ENO4: variants seen among roughly 807,000 people sequenced by gnomAD.
ENO4 encodes the protein 2-phospho-D-glycerate hydro-lyase.
In ENO4, 53 loss-of-function variants were observed where a neutral mutation model predicts 63.2. The observed-to-expected ratio is 0.84, with a 90% CI of 0.67 to 1.05. ENO4 has a LOEUF of 1.05. ENO4 is among the 50% of genes least tolerant of loss of function. The probability of loss-of-function intolerance (pLI) is 0.00; values close to 1 mark genes in which losing one functional copy is unlikely to be tolerated. For missense variants in ENO4, 719 were observed against 772.0 expected (o/e 0.93, Z 0.81); for synonymous variants, 266 against 283.8 (o/e 0.94, Z 0.63).
chr10:116,874,258 G>A, intron 10 of ENO4, 57 bp downstream of exon 10: 1 of 1,312,648 alleles, frequency 7.6e-7, no homozygotes, highest in Non-Finnish European at 1.0e-6. Flanking sequence ...AAGATAGGCA[G>A]GACTCACCTT....
At position 116,860,782 on chromosome 10, in the gene ENO4, T is replaced by A. The variant is rs887681019; in HGVS notation, c.635-12T>A. 4.9e-6 allele frequency: 7 copies of A among 1,436,090 alleles called. No individual in the cohort carries two copies. The highest frequency in any genetic ancestry group is 6.5e-6 in the Non-Finnish European group (7 of 1,078,702). 89.0% of individuals were successfully genotyped at this position (1,436,090 alleles called of 1,614,324 possible). ...AGAAATACAGTCTTACTCTCAATAT[T>A]TCTCCCTCCAGGGAGGAAGGATACT... On this transcript the variant is annotated splice_polypyrimidine_tract_variant and intron_variant, in intron 4 of 13. Coordinates refer to ENST00000341276, the MANE Select transcript of ENO4 (RefSeq NM_001242699.2).
intron 11 of ENO4, among the ~76,000 whole-genome samples, chr10:116,878,900 C>G (rs553898963): frequency 6.6e-6 from 1 of 151,894 alleles, no homozygotes; most frequent in Non-Finnish European, 1.5e-5. Context: ...CCTACCACCA[C>G]GCCCGGCTAA....
At chr10:116,880,990 T>G (rs1049771425) in intron 13 of ENO4, among the ~76,000 whole-genome samples, 1 of 152,154 alleles carries the variant, frequency 6.6e-6, no homozygotes, top group Non-Finnish European at 1.5e-5. Flanking sequence ...CGAGGAGAAT[T>G]TCTCTGACAC....
chr10:116,865,405 T>G (rs2133261817), intron 7 of ENO4, among the ~76,000 whole-genome samples: 1 of 152,208 alleles, frequency 6.6e-6, no homozygotes, highest in South Asian at 2.1e-4. Flanking sequence ...CAGGCTGGTC[T>G]CGAACTCCTG....
chr10:116,853,022 G>A lies in ENO4; in HGVS notation c.166-2601G>A, dbSNP rs945299412. Among the ~76,000 whole-genome samples the A allele has an allele frequency of 3.9e-5, 6 of 152,248 alleles. No homozygotes were observed. The South Asian group carries it at 8.3e-4, about 21-fold the overall frequency. On this transcript the variant is annotated intron_variant, in intron 1 of 13. Transcript: ENST00000341276. The stretch of plus-strand genomic sequence containing the variant: ...ACAAAGCAGTAGATAATGGCCGGGC[G>A]CGGTGGCTCACGCCTGTAATCCCAG...
At chr10:116,874,618 G>A (rs939096380) in intron 10 of ENO4, among the ~76,000 whole-genome samples, 1 of 152,076 alleles carries the variant, frequency 6.6e-6, no homozygotes, top group Non-Finnish European at 1.5e-5. Context: ...CTTCTATAAG[G>A]CCAAATATTT....
chr10:116,867,454 C>T (rs977928858), intron 7 of ENO4, among the ~76,000 whole-genome samples: 8 of 148,190 alleles, frequency 5.4e-5, no homozygotes, highest in East Asian at 3.9e-4. Context: ...CCAGGCATGG[C>T]GGTGCACGCT....
chr10:116,885,187 C>T (rs572717386), downstream of ENO4: 3 of 152,688 alleles, frequency 2.0e-5, no homozygotes, highest in East Asian at 5.8e-4. Context: ...GTGAAAAACA[C>T]CTGACAGCTA....
At chr10:116,851,954 T>C (rs1490965990) in intron 1 of ENO4, among the ~76,000 whole-genome samples, 1 of 152,154 alleles carries the variant, frequency 6.6e-6, no homozygotes, top group East Asian at 1.9e-4. Flanking sequence ...AACATTGATA[T>C]GGCTTGGCTC....
downstream of ENO4, chr10:116,884,027 G>GA (rs1197740197): frequency 4.6e-5 from 10 of 218,708 alleles, no homozygotes; most frequent in East Asian, 1.3e-4. Flanking sequence ...TTTTCTTAAA[G>GA]AAAAAAAATC....
At chr10:116,882,969 TACACACACACACAC>T (rs61072842), downstream of ENO4, 3 of 138,520 alleles carry the variant, frequency 2.2e-5, no homozygotes, top group African/African-American at 5.1e-5. Context: ...CTTTGAAAAA[TACACACACACACAC>T]ACACACACAC....
At chr10:116,881,269 C>T (rs918840789) in intron 13 of ENO4, among the ~76,000 whole-genome samples, 15 of 152,180 alleles carry the variant, frequency 9.9e-5, no homozygotes, top group African/African-American at 3.6e-4. Context: ...TGCCCAAAGT[C>T]CATGATGCGT....
intron 10 of ENO4, among the ~76,000 whole-genome samples, chr10:116,900,064 T>C (rs1847677252): frequency 6.6e-6 from 1 of 152,224 alleles, no homozygotes; most frequent in Admixed American, 6.5e-5. Flanking sequence ...AATTCTCAGA[T>C]TCAATCTGGA....
chr10:116,887,114 G>C (rs147090502), downstream of ENO4, among the ~76,000 whole-genome samples: 199 of 152,290 alleles, frequency 1.3e-3, no homozygotes, highest in African/African-American at 4.6e-3. Context: ...ACTTCAGGAG[G>C]GGGTGGTGGT....
At chr10:116,883,527 G>A (rs1054777713), downstream of ENO4, 1 of 152,184 alleles carries the variant, frequency 6.6e-6, no homozygotes, top group Admixed American at 6.5e-5. Context: ...GTTCCACAAC[G>A]AGTGTAACTG....
In ENO4 at chr10:116,861,155, A is replaced by G. The variant is rs978714805; in HGVS notation, c.901A>G (p.Ile301Val). 11 of 1,543,668 alleles carry G rather than the reference A, an allele frequency of 7.1e-6. No homozygotes were observed. The highest frequency in any genetic ancestry group is 4.0e-5 in the Admixed American group (2 of 50,630). ...GAAGCTAAATTTAATGAAAGAAGTG[A>G]TTTGTATACCCCATCCTGAATTAAC... Reference protein sequence around the residue: ...SGKLNLMKEVICIPHPELTTK... With the variant: ...SGKLNLMKEVVCIPHPELTTK... Residue 301 changes from isoleucine to valine, a missense_variant, in exon 6 of 14, where the codon ATT (isoleucine) becomes GTT (valine). Around this residue, in one of 3 missense-constraint regions of ENO4, gnomAD observed 544 missense variants for 583.6 expected, o/e 0.93. Transcript: ENST00000341276.
Position 116,849,647 on chromosome 10 carries a change from C to T in ENO4, c.81C>T (p.Tyr27=), listed in dbSNP as rs1845995375. 6.5e-7 allele frequency: 1 copy of T among 1,550,164 alleles called. No homozygotes were observed. Among genetic ancestry groups the T allele is most frequent in the South Asian group, 1.2e-5 (1 of 84,042 alleles). The change falls in exon 1 of 14, where the codon TAC becomes TAT. Residue 27 remains tyrosine (Y), a synonymous_variant. Coordinates refer to ENST00000341276, the MANE Select transcript of ENO4 (RefSeq NM_001242699.2). Reference sequence around the variant, plus strand: ...TGAAGCAGCAGGCGATGGAGTACTACCGGGAGAACGACGTTCCGCGCAGGC... The same window carrying T: ...TGAAGCAGCAGGCGATGGAGTACTATCGGGAGAACGACGTTCCGCGCAGGC... The part of the protein sequence containing the change: ...QKLKQQAMEY[Y]RENDVPRRLE...
Position 116,859,300 on chromosome 10 carries a change from C to T in ENO4, c.634+162C>T, listed in dbSNP as rs552247874. Among the ~76,000 whole-genome samples, 68 of 152,320 alleles carry T rather than the reference C, an allele frequency of 4.5e-4. 1 individual carries two copies. In the South Asian group the frequency reaches 0.014, roughly 31 times the overall value. ...CCACATCCTCACTCAAAGATTTTGC[C>T]CCCATCCCACTCTCCTTTTTATTTG... On this transcript the variant is annotated intron_variant, in intron 4 of 13. Transcript: ENST00000341276.
chr10:116,856,967 C>T (rs534463390), intron 3 of ENO4, among the ~76,000 whole-genome samples: 19 of 146,120 alleles, frequency 1.3e-4, no homozygotes, highest in South Asian at 4.4e-4. Flanking sequence ...CCAGCCTGGG[C>T]GACAGAGCGA....
Sources: gnomAD v4.1 joint callset for allele counts (sites outside exome capture counted in the v4.1 genomes callset) on GRCh38, gnomAD v4.1.1 for gene constraint, gnomAD v4.1.1 regional missense constraint, MANE v1.5 for transcripts, NCBI Gene and HGNC (gene_info 2026-07-23, HGNC 2026-07-21) for gene names.